The following UBAP2 variants were observed in gnomAD, a reference collection of about 807,000 sequenced individuals.
UBAP2 encodes the protein ubiquitin associated protein 2, also known as ubiquitin-associated protein 2.
In UBAP2, 75 loss-of-function variants were observed where a neutral mutation model predicts 139.6. That is an observed-to-expected ratio of 0.54 (90% CI 0.45 to 0.65). UBAP2 has a LOEUF of 0.65. UBAP2 is among the 30% of genes least tolerant of loss of function. UBAP2 has a pLI of 0.00. For missense variants in UBAP2, 1,368 were observed against 1,369.6 expected (o/e 1.00, Z 0.02); for synonymous variants, 526 against 526.2 (o/e 1.00, Z 0.01).
chr9:34,033,144 A>T (rs945166086), intron 1 of UBAP2, among the ~76,000 whole-genome samples: 2 of 152,158 alleles, frequency 1.3e-5, no homozygotes, highest in African/African-American at 2.4e-5. Context: ...GGAAATCAGT[A>T]TATTGAAGAA....
At chr9:34,016,370 C>CGGCGGCGGCGGT (rs1321174650) in intron 2 of UBAP2, among the ~76,000 whole-genome samples, 30 of 93,734 alleles carry the variant, frequency 3.2e-4, no homozygotes, top group African/African-American at 1.5e-3. Context: ...GCGGCAGCGG[C>CGGCGGCGGCGGT]GGTGGTGGTG....
intron 6 of UBAP2, among the ~76,000 whole-genome samples, chr9:33,976,044 C>T (rs1828316239): frequency 6.6e-6 from 1 of 152,014 alleles, no homozygotes; most frequent in African/African-American, 2.4e-5. Context: ...AGCGAGATGC[C>T]ACCTCTACAA....
chr9:33,927,055 C>G lies in UBAP2; in HGVS notation c.2397G>C (p.Gln799His), dbSNP rs10971798. ...TSGKAPPNLP[Q>H]GVPPLLHNQY... ...GGTTGTGCAGCAGGGGAGGCACCCC[C>G]TGAGGTAAGTTTGGGGGTGCTTTGC... The change falls in exon 21 of 29, where the codon CAG becomes CAC. Residue 799 changes from glutamine (Q) to histidine (H), a missense_variant. Physicochemically the swap from Gln to His is conservative, Grantham distance 24. Coordinates refer to ENST00000379238, the MANE Select transcript of UBAP2 (RefSeq NM_001370062.2). 1.2e-6 allele frequency: 2 copies of G among 1,613,370 alleles called. No homozygotes were observed. Among genetic ancestry groups the G allele is most frequent in the South Asian group, 2.2e-5 (2 of 91,008 alleles).
At chr9:33,970,751 A>AT (rs1381643514) in intron 8 of UBAP2, among the ~76,000 whole-genome samples, 1 of 152,006 alleles carries the variant, frequency 6.6e-6, no homozygotes, top group African/African-American at 2.4e-5. Context: ...ATTGAGCTAT[A>AT]TTCTAAGTCT....
intron 2 of UBAP2, among the ~76,000 whole-genome samples, chr9:33,999,498 G>A (rs1822501383): frequency 6.6e-6 from 1 of 152,058 alleles, no homozygotes; most frequent in African/African-American, 2.4e-5. Context: ...CAGTTCTGAA[G>A]AAAAAAAGCT....
chr9:33,980,119 G>A (rs1459240087), intron 6 of UBAP2, among the ~76,000 whole-genome samples: 1 of 150,334 alleles, frequency 6.7e-6, no homozygotes, highest in Non-Finnish European at 1.5e-5. Flanking sequence ...TTCAAGCAAA[G>A]CTGGCAAACA....
At chr9:33,943,332 T>G in intron 15 of UBAP2, 88 bp downstream of exon 15, 1 of 1,336,396 alleles carries the variant, frequency 7.5e-7, no homozygotes. Flanking sequence ...ACACTGAGGA[T>G]AGCTATTACC....
intron 6 of UBAP2, among the ~76,000 whole-genome samples, chr9:33,973,875 A>G (rs995418091): frequency 9.9e-5 from 15 of 152,206 alleles, no homozygotes; most frequent in African/African-American, 3.6e-4. Flanking sequence ...TACAGGCAAA[A>G]AAAGAAAAAA....
chr9:33,952,653 C>G (rs1826197157), intron 12 of UBAP2: 1 of 153,586 alleles, frequency 6.5e-6, no homozygotes, highest in Non-Finnish European at 1.5e-5. Flanking sequence ...ACTATAGAGA[C>G]ATAATATGAA....
At chr9:33,985,934 T>G (rs905607512) in intron 6 of UBAP2, among the ~76,000 whole-genome samples, 1 of 151,660 alleles carries the variant, frequency 6.6e-6, no homozygotes, top group Non-Finnish European at 1.5e-5. Context: ...AGTAGGAGGA[T>G]TGTTTGAGCC....
chr9:33,932,817 C>T (rs1315179577), intron 18 of UBAP2, among the ~76,000 whole-genome samples, 189 bp from the exon 19 acceptor site: 1 of 152,198 alleles, frequency 6.6e-6, no homozygotes, highest in African/African-American at 2.4e-5. Flanking sequence ...GAATGACTCG[C>T]CATGAGGTCT....
At chr9:34,008,172 G>C (rs1393248418) in intron 2 of UBAP2, among the ~76,000 whole-genome samples, 1 of 152,006 alleles carries the variant, frequency 6.6e-6, no homozygotes, top group Non-Finnish European at 1.5e-5. Context: ...AATTAGCCGG[G>C]CCGGGCATGG....
intron 1 of UBAP2, among the ~76,000 whole-genome samples, chr9:34,047,272 A>C (rs1827688649): frequency 1.3e-5 from 2 of 152,184 alleles, no homozygotes; most frequent in Non-Finnish European, 2.9e-5. Context: ...TGCTGGCAGC[A>C]AGCAAAAGGG....
intron 19 of UBAP2, among the ~76,000 whole-genome samples, chr9:33,929,650 C>T (rs1823786654): frequency 6.6e-6 from 1 of 152,158 alleles, no homozygotes; most frequent in Admixed American, 6.5e-5. Context: ...TCACCAAGGG[C>T]TCCCTAATAT....
At chr9:34,001,243 TAG>T (rs2131202582) in intron 2 of UBAP2, among the ~76,000 whole-genome samples, 1 of 152,346 alleles carries the variant, frequency 6.6e-6, no homozygotes, top group African/African-American at 2.4e-5. Flanking sequence ...AGGTTTTATT[TAG>T]AAAGAATATA....
Position 33,932,603 on chromosome 9 carries a change from G to C in UBAP2, c.2134C>G (p.Leu712Val), listed in dbSNP as rs1824084570. The C allele has an allele frequency of 6.2e-7, 1 of 1,614,072 alleles. No individual in the cohort carries two copies. Among genetic ancestry groups the C allele is most frequent in the Middle Eastern group, 1.6e-4 (1 of 6,062 alleles). ...GAGGAGAGGGCTGCATGTGCAGAGAGGCTGCTCTGGTGGCTGGAGAGCGAA... is the reference window on the plus strand; with the variant it reads ...GAGGAGAGGGCTGCATGTGCAGAGACGCTGCTCTGGTGGCTGGAGAGCGAA... ...SSSLSSHQSS[L>V]SAHAALSSST... is the part of the protein sequence containing the mutation. Residue 712 changes from leucine to valine, a missense_variant, in exon 19 of 29, where the codon CTC becomes GTC. Coordinates refer to ENST00000379238, the MANE Select transcript of UBAP2 (RefSeq NM_001370062.2).
At chr9:34,016,370 C>CGGCGGTGGTGGTGGTGGTGGTGGTGGT (rs1321174650) in intron 2 of UBAP2, among the ~76,000 whole-genome samples, 6 of 93,734 alleles carry the variant, frequency 6.4e-5, no homozygotes, top group African/African-American at 2.9e-4. Flanking sequence ...GCGGCAGCGG[C>CGGCGGTGGTGGTGGTGGTGGTGGTGGT]GGTGGTGGTG....
At chr9:33,954,063 T>C (rs1175301194) in intron 11 of UBAP2, among the ~76,000 whole-genome samples, 2 of 152,028 alleles carry the variant, frequency 1.3e-5, no homozygotes, top group Non-Finnish European at 1.5e-5. Context: ...TGTGCCACCA[T>C]GCCCAGCTAA....
At chr9:33,989,284 C>T (rs960390714) in intron 4 of UBAP2, among the ~76,000 whole-genome samples, 158 bp from the exon 5 acceptor site, 1 of 151,282 alleles carries the variant, frequency 6.6e-6, no homozygotes, top group African/African-American at 2.4e-5. Flanking sequence ...TCACTGCAAG[C>T]TCCGCCTCCC....
Sources: gnomAD v4.1 joint callset for allele counts (sites outside exome capture counted in the v4.1 genomes callset) on GRCh38, gnomAD v4.1.1 for gene constraint, MANE v1.5 for transcripts, NCBI Gene and HGNC (gene_info 2026-07-23, HGNC 2026-07-21) for gene names.